The following ZNF804B variants were observed in gnomAD, a reference collection of about 807,000 sequenced individuals.
ZNF804B encodes zinc finger protein 804B.
Under a neutral mutation model 101.4 loss-of-function variants are expected in ZNF804B, and 80 were observed. That is an observed-to-expected ratio of 0.79 (90% CI 0.66 to 0.95). ZNF804B has a LOEUF of 0.95. Ranked by LOEUF, ZNF804B falls within the 40% of genes least tolerant of loss-of-function variation. The pLI, the probability that ZNF804B is intolerant of heterozygous loss-of-function variation, is 0.00. For missense variants in ZNF804B, 1,673 were observed against 1,561.9 expected (o/e 1.07, Z -1.20); for synonymous variants, 622 against 558.8 (o/e 1.11, Z -1.59).
intron 1 of ZNF804B, among the ~76,000 whole-genome samples, chr7:89,213,071 A>G (rs1788828645): frequency 6.6e-6 from 1 of 152,202 alleles, no homozygotes; most frequent in Non-Finnish European, 1.5e-5. Context: ...CTTCTGTAAG[A>G]CAGAGGCTGA....
chr7:89,116,502 A>T (rs1214503840), intron 1 of ZNF804B, among the ~76,000 whole-genome samples: 1 of 152,172 alleles, frequency 6.6e-6, no homozygotes, highest in Non-Finnish European at 1.5e-5. Context: ...GTGAGAAAGT[A>T]ACTAACCTAC....
intron 1 of ZNF804B, among the ~76,000 whole-genome samples, chr7:88,991,620 T>A (rs573303392): frequency 6.6e-6 from 1 of 152,302 alleles, no homozygotes; most frequent in South Asian, 2.1e-4. Flanking sequence ...AAGGGGCTAC[T>A]CTCTGCCTGT....
At chr7:88,903,665 G>A (rs1391042867) in intron 1 of ZNF804B, among the ~76,000 whole-genome samples, 4 of 152,064 alleles carry the variant, frequency 2.6e-5, no homozygotes, top group Non-Finnish European at 5.9e-5. Context: ...GTGTGAGATG[G>A]TATCTCATTG....
At chr7:89,179,056 T>G (rs371924754) in intron 1 of ZNF804B, among the ~76,000 whole-genome samples, 1 of 152,192 alleles carries the variant, frequency 6.6e-6, no homozygotes, top group African/African-American at 2.4e-5. Context: ...CTTCTTTGTA[T>G]GTATTTGTTT....
At chr7:89,193,451 A>G (rs564857298) in intron 1 of ZNF804B, among the ~76,000 whole-genome samples, 1 of 144,938 alleles carries the variant, frequency 6.9e-6, no homozygotes, top group South Asian at 2.4e-4. Flanking sequence ...TCCTAATGCT[A>G]TCCCTCACCC....
chr7:89,292,047 A>G (rs952514052), intron 2 of ZNF804B, among the ~76,000 whole-genome samples: 1 of 152,166 alleles, frequency 6.6e-6, no homozygotes, highest in Non-Finnish European at 1.5e-5. Context: ...CCTAGTGAAA[A>G]AAATTCTTCA....
chr7:89,183,403 T>G (rs2115589417), intron 1 of ZNF804B, among the ~76,000 whole-genome samples: 1 of 152,204 alleles, frequency 6.6e-6, no homozygotes, highest in Non-Finnish European at 1.5e-5. Flanking sequence ...AAAAAGATCC[T>G]AAAAACGCCA....
intron 1 of ZNF804B, among the ~76,000 whole-genome samples, chr7:88,897,588 A>G (rs190766064): frequency 5.9e-5 from 9 of 152,318 alleles, no homozygotes; most frequent in African/African-American, 2.2e-4. Flanking sequence ...ATGAAACCTC[A>G]CCAGAACTCT....
At chr7:89,205,665 C>T (rs1224480823) in intron 1 of ZNF804B, among the ~76,000 whole-genome samples, 3 of 152,178 alleles carry the variant, frequency 2.0e-5, no homozygotes, top group Non-Finnish European at 4.4e-5. Context: ...TTGGGCAGCT[C>T]CTTCCCTGTG....
At chr7:89,007,221 T>G (rs1009766051) in intron 1 of ZNF804B, among the ~76,000 whole-genome samples, 1 of 151,898 alleles carries the variant, frequency 6.6e-6, no homozygotes, top group Non-Finnish European at 1.5e-5. Context: ...AGGCATCTCT[T>G]ACTACCTACG....
chr7:89,334,300 C>T lies in ZNF804B; in HGVS notation c.1318C>T (p.Pro440Ser), dbSNP rs201630856. The change falls in exon 4 of 4, where the codon CCA becomes TCA. Residue 440 changes from proline to serine, a missense_variant. Physicochemically the swap from Pro to Ser is moderately conservative, Grantham distance 74. Transcript: ENST00000333190. ...EACTHNVASK[P>S]LPFLHVQSKD... ...ATGTACCCATAATGTGGCATCTAAA[C>T]CACTACCTTTTCTCCACGTTCAAAG... The T allele has an allele frequency of 1.2e-6, 2 of 1,613,804 alleles. No individual in the cohort carries two copies. Among genetic ancestry groups the T allele is most frequent in the East Asian group, 2.2e-5 (1 of 44,870 alleles).
chr7:88,993,739 G>A (rs1349972218), intron 1 of ZNF804B, among the ~76,000 whole-genome samples: 1 of 151,894 alleles, frequency 6.6e-6, no homozygotes, highest in Non-Finnish European at 1.5e-5. Flanking sequence ...TCTCACTAGA[G>A]GATTTTGAGA....
At chr7:88,977,682 T>C (rs1793634987) in intron 1 of ZNF804B, among the ~76,000 whole-genome samples, 1 of 151,502 alleles carries the variant, frequency 6.6e-6, no homozygotes, top group Non-Finnish European at 1.5e-5. Context: ...TTCTTTTCAA[T>C]AAACTAACTT....
intron 1 of ZNF804B, among the ~76,000 whole-genome samples, chr7:89,012,741 T>G (rs1484607081): frequency 6.6e-6 from 1 of 152,190 alleles, no homozygotes; most frequent in Non-Finnish European, 1.5e-5. Flanking sequence ...CTCTAAACTG[T>G]TCAAACCTCT....
chr7:88,970,161 A>G (rs1793509963), intron 1 of ZNF804B, among the ~76,000 whole-genome samples: 1 of 151,428 alleles, frequency 6.6e-6, no homozygotes, highest in Admixed American at 6.6e-5. Flanking sequence ...ATGACAGTAG[A>G]CATTTAAGTG....
chr7:89,017,378 A>G (rs1397170136), intron 1 of ZNF804B, among the ~76,000 whole-genome samples: 3 of 152,158 alleles, frequency 2.0e-5, no homozygotes, highest in African/African-American at 7.2e-5. Context: ...ACTATGTTGA[A>G]TAGGAGTGTT....
At chr7:89,183,424 C>T (rs770843139) in intron 1 of ZNF804B, among the ~76,000 whole-genome samples, 2 of 152,052 alleles carry the variant, frequency 1.3e-5, no homozygotes, top group Middle Eastern at 3.4e-3. Flanking sequence ...AAGAAGTAAT[C>T]GAATTTGGTC....
intron 2 of ZNF804B, among the ~76,000 whole-genome samples, chr7:89,277,478 C>T (rs1403302237): frequency 9.2e-5 from 1 of 10,912 alleles, no homozygotes; most frequent in Non-Finnish European, 2.4e-4. Flanking sequence ...TCCCTCCCCC[C>T]TCCCCCCTCC....
chr7:89,037,006 G>A (rs1042452023), intron 1 of ZNF804B, among the ~76,000 whole-genome samples: 1 of 152,080 alleles, frequency 6.6e-6, no homozygotes, highest in African/African-American at 2.4e-5. Flanking sequence ...TCTGGGTATA[G>A]CTGACATTTT....
Sources: gnomAD v4.1 joint callset for allele counts (sites outside exome capture counted in the v4.1 genomes callset) on GRCh38, gnomAD v4.1.1 for gene constraint, MANE v1.5 for transcripts, NCBI Gene and HGNC (gene_info 2026-07-23, HGNC 2026-07-21) for gene names.